The following DLGAP1 variants were observed in gnomAD, a reference collection of about 807,000 sequenced individuals.
The protein encoded by DLGAP1 is disks large-associated protein 1.
In DLGAP1, 11 loss-of-function variants were observed where a neutral mutation model predicts 90.8. That is an observed-to-expected ratio of 0.12 (90% CI 0.08 to 0.20). The LOEUF (loss-of-function observed/expected upper bound fraction) is 0.20, where lower values mean the gene tolerates loss of function less well. Among genes scored for constraint, DLGAP1 ranks in the 10% least tolerant of loss-of-function variants. The pLI is 1.00. For missense variants in DLGAP1, 1,050 were observed against 1,333.8 expected (o/e 0.79, Z 3.31); for synonymous variants, 558 against 540.7 (o/e 1.03, Z -0.44).
At chr18:3,840,812 T>C (rs1183259981) in intron 4 of DLGAP1, among the ~76,000 whole-genome samples, 1 of 152,130 alleles carries the variant, frequency 6.6e-6, no homozygotes, top group East Asian at 1.9e-4. Context: ...TAAAGTCATA[T>C]AGACAGAGAA....
At chr18:4,080,478 G>A (rs2075589459) in intron 2 of DLGAP1, among the ~76,000 whole-genome samples, 1 of 151,340 alleles carries the variant, frequency 6.6e-6, no homozygotes, top group Admixed American at 6.5e-5. Flanking sequence ...CTGGAAACAT[G>A]ATAATAGCTG....
rs73941204 is a variant in DLGAP1 at position 4,132,501 on chromosome 18, T to C, written c.-159+18679A>G. On this transcript the variant is annotated intron_variant, in intron 2 of 12. Transcript: ENST00000315677. ...AACCTTTCTGTGTCTTTCTTGGTCA[T>C]TGGTAAAATGGGGAGAAAATAATAC... Among the ~76,000 whole-genome samples, 348 of 152,278 alleles carry C rather than the reference T, an allele frequency of 2.3e-3. 1 individual carries two copies. The highest frequency in any genetic ancestry group is 8.0e-3 in the African/African-American group (334 of 41,574).
At chr18:3,750,577 A>T (rs2063457468) in intron 5 of DLGAP1, among the ~76,000 whole-genome samples, 1 of 152,126 alleles carries the variant, frequency 6.6e-6, no homozygotes, top group Non-Finnish European at 1.5e-5. Flanking sequence ...TCCTCAGTCC[A>T]GGCTTCACCT....
intron 1 of DLGAP1, among the ~76,000 whole-genome samples, chr18:4,290,891 T>C (rs1385900129): frequency 6.6e-6 from 1 of 152,198 alleles, no homozygotes; most frequent in Admixed American, 6.5e-5. Flanking sequence ...TGATGTGAAG[T>C]GCCCTGTACG....
At chr18:3,505,637 T>TAAA (rs35445954) in intron 11 of DLGAP1, among the ~76,000 whole-genome samples, 26 of 87,678 alleles carry the variant, frequency 3.0e-4, no homozygotes, top group African/African-American at 9.4e-4. Flanking sequence ...AGACTCCCTC[T>TAAA]AAAAAAAAAA....
At position 3,879,369 on chromosome 18, in the gene DLGAP1, G is replaced by C. The variant is rs1187428047; in HGVS notation, c.700C>G (p.Gln234Glu). The change falls in exon 4 of 13, where the codon CAG becomes GAG. Residue 234 changes from glutamine to glutamate, a missense_variant. By Grantham distance (29) the Gln-to-Glu change is conservative. Coordinates refer to ENST00000315677, the MANE Select transcript of DLGAP1 (RefSeq NM_004746.4). The surrounding 1 kb of genome is among the most constrained non-coding windows in gnomAD (Gnocchi z 6.6). ...GTGTTGTAGGCCTCCAGGAAGTACT[G>C]TGAGGCCGAGCGGTCGGGGCACCTG... ...MGRCPDRSAS[Q>E]YFLEAYNTIS... is the part of the protein sequence containing the mutation. The C allele has an allele frequency of 6.2e-7, 1 of 1,613,412 alleles. No individual in the cohort carries two copies. The highest frequency in any genetic ancestry group is 1.1e-5 in the South Asian group (1 of 90,984).
intron 2 of DLGAP1, among the ~76,000 whole-genome samples, chr18:4,024,724 A>T (rs1250324769): frequency 6.6e-6 from 1 of 152,140 alleles, no homozygotes; most frequent in Non-Finnish European, 1.5e-5. Context: ...GATGATAATG[A>T]CACCCTTTGC....
intron 3 of DLGAP1, chr18:3,983,476 G>A (rs1200212079): frequency 2.0e-5 from 3 of 152,168 alleles, no homozygotes; most frequent in Non-Finnish European, 4.4e-5. Context: ...CACACTAGTT[G>A]TTGGGGGTGC....
chr18:4,403,575 A>G (rs1395570883), intron 1 of DLGAP1, among the ~76,000 whole-genome samples: 4 of 152,160 alleles, frequency 2.6e-5, no homozygotes, highest in Admixed American at 1.3e-4. Context: ...TCCCTCCCCC[A>G]TTGATTATAT....
intron 2 of DLGAP1, among the ~76,000 whole-genome samples, chr18:4,006,324 C>T (rs1438346564): frequency 1.3e-5 from 2 of 152,180 alleles, no homozygotes; most frequent in Non-Finnish European, 2.9e-5. Context: ...CCAATTTTCT[C>T]TTAGAAAAAG....
chr18:3,507,520 CAAAACA>C (rs964413316), intron 11 of DLGAP1, among the ~76,000 whole-genome samples: 28 of 151,954 alleles, frequency 1.8e-4, no homozygotes, highest in South Asian at 6.2e-4. Context: ...GACTCCATCT[CAAAACA>C]AAAACAAAAA....
intron 4 of DLGAP1, among the ~76,000 whole-genome samples, chr18:3,824,101 T>C: frequency 6.6e-6 from 1 of 152,166 alleles, no homozygotes; most frequent in Non-Finnish European, 1.5e-5. Flanking sequence ...GGCATATCTG[T>C]TGGCTTGGAA....
chr18:4,368,156 C>G (rs866412961), intron 1 of DLGAP1, among the ~76,000 whole-genome samples: 1 of 152,116 alleles, frequency 6.6e-6, no homozygotes, highest in South Asian at 2.1e-4. Flanking sequence ...GAGGCAGCGT[C>G]TTGGCTAAAT....
At position 4,014,786 on chromosome 18, in the gene DLGAP1, T is replaced by A. The variant is rs1305701853; in HGVS notation, c.-158-9585A>T. Among the ~76,000 whole-genome samples, 4 of 152,206 alleles carry A rather than the reference T, an allele frequency of 2.6e-5. No individual in the cohort carries two copies. In the South Asian group the frequency reaches 8.3e-4, roughly 31 times the overall value. On this transcript the variant is annotated intron_variant, in intron 2 of 12. Transcript: ENST00000315677. ...CTGGACAAGCACCTGTTCAACACCA[T>A]ATCCTCATTTTCTGGCACCCAGTAG... is the stretch of plus-strand genomic sequence containing the variant.
chr18:3,692,632 A>C (rs2060938278), intron 7 of DLGAP1, among the ~76,000 whole-genome samples: 1 of 151,860 alleles, frequency 6.6e-6, no homozygotes, highest in Non-Finnish European at 1.5e-5. Flanking sequence ...GGTCTGGTTG[A>C]GATCTGCATA....
chr18:3,712,535 C>A lies in DLGAP1; in HGVS notation c.1591+16600G>T, dbSNP rs182854580. ...ATTATTTAACCTCAGTTATTAAGAG[C>A]TAATAGGGACCCATAGTGTTATTTT... On this transcript the variant is annotated intron_variant, in intron 7 of 12. Transcript: ENST00000315677. Among the ~76,000 whole-genome samples the A allele has an allele frequency of 5.9e-5, 9 of 152,326 alleles. No homozygotes were observed. The East Asian group carries it at 1.5e-3, about 26-fold the overall frequency.
intron 3 of DLGAP1, among the ~76,000 whole-genome samples, chr18:3,979,669 T>A (rs1266709552): frequency 1.3e-5 from 2 of 152,226 alleles, no homozygotes; most frequent in African/African-American, 4.8e-5. Context: ...TTAAGCATAA[T>A]GTTTATTTCA....
intron 7 of DLGAP1, among the ~76,000 whole-genome samples, chr18:3,682,527 C>T (rs2060557184): frequency 6.6e-6 from 1 of 152,148 alleles, no homozygotes; most frequent in South Asian, 2.1e-4. Flanking sequence ...TGGGCCCGAT[C>T]CTCTCTCTGT....
At chr18:4,243,813 G>A (rs2078595434) in intron 1 of DLGAP1, among the ~76,000 whole-genome samples, 1 of 151,990 alleles carries the variant, frequency 6.6e-6, no homozygotes, top group African/African-American at 2.4e-5. Context: ...AATGAAACCC[G>A]CTTATCTTTT....
Sources: allele counts gnomAD v4.1 joint callset (sites outside exome capture counted in the v4.1 genomes callset), GRCh38; gene constraint gnomAD v4.1.1; non-coding constraint Gnocchi (gnomAD v3.1); transcripts MANE v1.5; gene names NCBI Gene and HGNC (gene_info 2026-07-23, HGNC 2026-07-21).